The following CCM2 variants were observed in gnomAD, a reference collection of about 807,000 sequenced individuals.
The protein encoded by CCM2 is cerebral cavernous malformations 2 protein.
Under a neutral mutation model 44.9 loss-of-function variants are expected in CCM2, and 25 were observed. That is an observed-to-expected ratio of 0.56 (90% CI 0.41 to 0.78). CCM2 has a LOEUF of 0.78. Ranked by LOEUF, CCM2 falls within the 30% of genes least tolerant of loss-of-function variation. The pLI is 0.00. For missense variants in CCM2, 481 were observed against 580.6 expected, an observed-to-expected ratio of 0.83 and a Z score of 1.76; for synonymous variants, 219 against 241.1, an observed-to-expected ratio of 0.91 and a Z score of 0.85.
chr7:45,042,968 C>CTTT (rs35874377), intron 2 of CCM2, among the ~76,000 whole-genome samples: 8 of 134,614 alleles, frequency 5.9e-5, no homozygotes, highest in African/African-American at 5.7e-5. Context: ...TCTTCTTCTT[C>CTTT]TTTTTTTTTT....
chr7:45,064,976 A>C (rs899484491), intron 4 of CCM2, among the ~76,000 whole-genome samples: 2 of 152,046 alleles, frequency 1.3e-5, no homozygotes, highest in Non-Finnish European at 2.9e-5. Context: ...GGTGTGGTGG[A>C]GCCTAGAGAG....
At chr7:45,025,830 G>A (rs573791693) in intron 1 of CCM2, among the ~76,000 whole-genome samples, 8 of 152,250 alleles carry the variant, frequency 5.3e-5, no homozygotes, top group Non-Finnish European at 1.2e-4. Context: ...CACTGCACCC[G>A]GCCGTTTTCT....
intron 3 of CCM2, 106 bp downstream of exon 3, chr7:45,064,107 A>T (rs1798652294): frequency 1.3e-6 from 1 of 771,420 alleles, no homozygotes; most frequent in Non-Finnish European, 2.2e-6. Context: ...GTCCCATCAC[A>T]TTATGGGTAC....
intron 5 of CCM2, 141 bp downstream of exon 5, chr7:45,068,720 C>A (rs925459410): frequency 7.3e-6 from 8 of 1,098,584 alleles, no homozygotes; most frequent in Non-Finnish European, 9.4e-6. Context: ...CCTGTCCCTG[C>A]CTCACCCTAG....
At chr7:45,029,205 C>T (rs142956690) in intron 1 of CCM2, among the ~76,000 whole-genome samples, 106 of 152,212 alleles carry the variant, frequency 7.0e-4, no homozygotes, top group African/African-American at 2.1e-3. Flanking sequence ...CAGTGTCTGG[C>T]GCATAGTGAA....
At chr7:45,059,263 A>G (rs1324568046) in intron 2 of CCM2, among the ~76,000 whole-genome samples, 1 of 151,750 alleles carries the variant, frequency 6.6e-6, no homozygotes, top group East Asian at 1.9e-4. Context: ...TTAATACATT[A>G]TTGGATTCAA....
At chr7:45,025,757 C>T (rs1379922124) in intron 1 of CCM2, among the ~76,000 whole-genome samples, 1 of 152,238 alleles carries the variant, frequency 6.6e-6, no homozygotes, top group African/African-American at 2.4e-5. Flanking sequence ...TGGTCTCAAA[C>T]TTCTAACCTC....
intron 1 of CCM2, among the ~76,000 whole-genome samples, chr7:45,003,084 T>C (rs762106175): frequency 5.0e-4 from 76 of 151,384 alleles, no homozygotes; most frequent in Non-Finnish European, 9.1e-4. Context: ...ATGTAATTCC[T>C]TTTTTTTTGA....
chr7:45,023,785 C>A (rs1583867912), intron 1 of CCM2, among the ~76,000 whole-genome samples: 1 of 55,978 alleles, frequency 1.8e-5, no homozygotes, highest in East Asian at 4.3e-4. Context: ...AGCTCTGTAT[C>A]AGTTTTTTTT....
chr7:45,045,557 C>T (rs977754843), intron 2 of CCM2, among the ~76,000 whole-genome samples: 13 of 152,070 alleles, frequency 8.5e-5, no homozygotes, highest in African/African-American at 1.7e-4. Flanking sequence ...TTTGGGAGGC[C>T]GAGGCAGGTG....
intron 2 of CCM2, among the ~76,000 whole-genome samples, chr7:45,042,965 CTTCTTT>C (rs1422976545): frequency 0.012 from 1,563 of 127,970 alleles, 23 homozygotes; most frequent in African/African-American, 0.048. Flanking sequence ...TTCTCTTCTT[CTTCTTT>C]TTTTTTTTTT....
chr7:45,011,693 TG>T (rs1796073874), intron 1 of CCM2, among the ~76,000 whole-genome samples: 1 of 151,852 alleles, frequency 6.6e-6, no homozygotes, highest in South Asian at 2.1e-4. Flanking sequence ...CTGAGATTAC[TG>T]GTGCCCACCA....
At chr7:45,054,438 C>G (rs1368529734) in intron 2 of CCM2, among the ~76,000 whole-genome samples, 1 of 151,828 alleles carries the variant, frequency 6.6e-6, no homozygotes, top group Non-Finnish European at 1.5e-5. Context: ...CTTTATCAAT[C>G]AAGGCCAATA....
chr7:45,025,534 CTTTTTTTT>C (rs5883920), intron 1 of CCM2, among the ~76,000 whole-genome samples: 2 of 113,276 alleles, frequency 1.8e-5, no homozygotes, highest in South Asian at 5.7e-4. Flanking sequence ...CTCTCTTTTT[CTTTTTTTT>C]TTTTTTTTGA....
chr7:45,004,980 G>GAGTA (rs937909038), intron 1 of CCM2, among the ~76,000 whole-genome samples: 1 of 134,258 alleles, frequency 7.4e-6, no homozygotes, highest in African/African-American at 3.0e-5. Context: ...TGGGCGACAA[G>GAGTA]AGTAAGACTC....
At chr7:45,042,923 C>CTTCTGT (rs1442951981) in intron 2 of CCM2, among the ~76,000 whole-genome samples, 2 of 151,350 alleles carry the variant, frequency 1.3e-5, no homozygotes, top group East Asian at 3.9e-4. Flanking sequence ...GGAGGGAACT[C>CTTCTGT]TTCTGTTCTC....
chr7:45,072,349 A>G, intron 6 of CCM2: 1 of 372,406 alleles, frequency 2.7e-6, no homozygotes, highest in South Asian at 2.2e-5. Flanking sequence ...TTCCTAATCT[A>G]CAAGTGAAGA....
chr7:45,007,765 A>G (rs1418156071), intron 1 of CCM2, among the ~76,000 whole-genome samples: 1 of 151,024 alleles, frequency 6.6e-6, no homozygotes, highest in Non-Finnish European at 1.5e-5. Flanking sequence ...TCTGAAAGTG[A>G]GAAGACTGGT....
chr7:45,023,065 C>T (rs1796543868), intron 1 of CCM2, among the ~76,000 whole-genome samples: 1 of 152,146 alleles, frequency 6.6e-6, no homozygotes, highest in East Asian at 1.9e-4. Flanking sequence ...GTGTACCCAT[C>T]ACCCAAAAAG....
Sources: gnomAD v4.1 joint callset for allele counts (sites outside exome capture counted in the v4.1 genomes callset) on GRCh38, gnomAD v4.1.1 for gene constraint, MANE v1.5 for transcripts, NCBI Gene and HGNC (gene_info 2026-07-23, HGNC 2026-07-21) for gene names.